Variants in RGMB observed in about 807,000 individuals in gnomAD.
RGMB encodes repulsive guidance molecule BMP co-receptor b, also known as repulsive guidance molecule B.
In RGMB, 16 loss-of-function variants were observed where a neutral mutation model predicts 26.9. The ratio of observed to expected loss-of-function variants is 0.60; its 90% CI spans 0.40 to 0.90. RGMB has a LOEUF of 0.90. RGMB is among the 40% of genes least tolerant of loss of function. The pLI is 0.00. For missense variants in RGMB, 512 were observed against 573.3 expected (o/e 0.89, Z 1.09); for synonymous variants, 225 against 229.3 (o/e 0.98, Z 0.17).
At position 98,780,755 on chromosome 5, in the gene RGMB, C is replaced by T. The variant is rs529347007; in HGVS notation, c.645+667C>T. ...AATTTAGCTTACCATGACTAGCTGC[C>T]AGTTTATGTGGTCTGTGTTCGTTTG... On this transcript the variant is annotated intron_variant, in intron 2 of 2. Transcript: ENST00000513185. The T allele has an allele frequency of 2.6e-5, 4 of 152,310 alleles. No homozygotes were observed. The East Asian group carries it at 7.7e-4, about 29-fold the overall frequency. The allele number at this position is 152,310 out of a possible 1,614,324, so 9.4% of individuals were successfully genotyped here.
chr5:98,779,486 A>G, intron 1 of RGMB, 94 bp from the exon 2 acceptor site: 1 of 1,285,702 alleles, frequency 7.8e-7, no homozygotes, highest in Non-Finnish European at 1.1e-6. Flanking sequence ...ATAAAATAGA[A>G]CAAACAATTC....
upstream of RGMB, among the ~76,000 whole-genome samples, chr5:98,772,160 C>A (rs972828484): frequency 2.0e-5 from 3 of 152,154 alleles, no homozygotes; most frequent in Non-Finnish European, 2.9e-5. Flanking sequence ...AACTGTGAAG[C>A]TATTATTAAG....
At chr5:98,776,837 A>G (rs1048868590) in intron 1 of RGMB, among the ~76,000 whole-genome samples, 2 of 152,242 alleles carry the variant, frequency 1.3e-5, no homozygotes, top group Non-Finnish European at 2.9e-5. Flanking sequence ...CTGTAATCCC[A>G]GCACTTTGGG....
chr5:98,775,737 C>T (rs981712611), intron 1 of RGMB, among the ~76,000 whole-genome samples: 1 of 152,152 alleles, frequency 6.6e-6, no homozygotes, highest in Admixed American at 6.5e-5. Flanking sequence ...AGGGTGTCTT[C>T]GTTCAAGAAT....
At chr5:98,790,941 A>G (rs1018831440) in intron 2 of RGMB, among the ~76,000 whole-genome samples, 5 of 152,212 alleles carry the variant, frequency 3.3e-5, no homozygotes, top group African/African-American at 1.2e-4. Flanking sequence ...TTTCAGGTGC[A>G]AAATTTTCTT....
At chr5:98,786,874 T>A (rs1158371512) in intron 2 of RGMB, among the ~76,000 whole-genome samples, 3 of 152,212 alleles carry the variant, frequency 2.0e-5, no homozygotes, top group East Asian at 3.9e-4. Context: ...AGGAGTTTTT[T>A]ATGCCCCAGT....
chr5:98,787,661 C>T (rs1268685902), intron 2 of RGMB, among the ~76,000 whole-genome samples: 1 of 152,166 alleles, frequency 6.6e-6, no homozygotes, highest in East Asian at 1.9e-4. Context: ...GGAGAGGTTC[C>T]ATTTGGAGAT....
chr5:98,780,318 T>C (rs1243088594), intron 2 of RGMB: 1 of 465,232 alleles, frequency 2.1e-6, no homozygotes, highest in Non-Finnish European at 3.7e-6. Context: ...GAATAAAAAG[T>C]AAACAGTGAA....
Position 98,774,103 on chromosome 5 carries a change from C to CGCT in RGMB, c.36_38dup (p.Ala15dup). On this transcript the variant is annotated inframe_insertion, in exon 1 of 3. Transcript: ENST00000513185. ...TGAGAGCAGCACCTTCCAGCGCCGCCGCTGCCGCCGCCGAGGTTGAGCAGC... is the reference window on the plus strand; with the variant it reads ...TGAGAGCAGCACCTTCCAGCGCCGCCGCTGCTGCCGCCGCCGAGGTTGAGCAGC... The CGCT allele has an allele frequency of 7.7e-7, 1 of 1,293,118 alleles. No individual in the cohort carries two copies. 80.1% of individuals were successfully genotyped at this position (1,293,118 alleles called of 1,614,324 possible).
intron 2 of RGMB, among the ~76,000 whole-genome samples, chr5:98,785,577 A>G (rs930066003): frequency 6.6e-6 from 1 of 152,066 alleles, no homozygotes; most frequent in African/African-American, 2.4e-5. Flanking sequence ...TCTGCATACA[A>G]CCTAGCAGGG....
intron 2 of RGMB, among the ~76,000 whole-genome samples, chr5:98,789,870 T>C (rs868322505): frequency 1.3e-5 from 2 of 152,242 alleles, no homozygotes; most frequent in Non-Finnish European, 2.9e-5. Context: ...GCTAACGTTT[T>C]TAAATTATCT....
upstream of RGMB, chr5:98,771,002 G>C (rs1168022844): frequency 1.0e-5 from 3 of 290,858 alleles, no homozygotes; most frequent in Non-Finnish European, 1.9e-5. Context: ...TCTGGAAATG[G>C]AGACATATTA....
chr5:98,770,539 C>G (rs1746121344), upstream of RGMB: 4 of 849,828 alleles, frequency 4.7e-6, no homozygotes, highest in East Asian at 3.3e-5. Flanking sequence ...GCCCCGGGCT[C>G]TCTCCCTCCG....
chr5:98,787,956 G>A (rs1346332745), intron 2 of RGMB, among the ~76,000 whole-genome samples: 1 of 152,156 alleles, frequency 6.6e-6, no homozygotes, highest in Admixed American at 6.5e-5. Context: ...CCTCTGGTTT[G>A]GTTTCTTCAT....
At chr5:98,784,423 C>T (rs1467745305) in intron 2 of RGMB, among the ~76,000 whole-genome samples, 2 of 152,216 alleles carry the variant, frequency 1.3e-5, no homozygotes, top group African/African-American at 4.8e-5. Context: ...TTAATGTCTT[C>T]TTCAAACTCT....
chr5:98,787,188 C>G (rs944361848), intron 2 of RGMB, among the ~76,000 whole-genome samples: 1 of 152,222 alleles, frequency 6.6e-6, no homozygotes, highest in East Asian at 1.9e-4. Context: ...TGCATGGTAA[C>G]CATTCTAACC....
At position 98,794,828 on chromosome 5, in the gene RGMB, C is replaced by T. The variant is rs780084696; in HGVS notation, c.*1075C>T. ...CCCATCACAAAGTTTTTCATTCTTCCTTGTCCACCATGATCTTCATCACAG... is the reference window on the plus strand; with the variant it reads ...CCCATCACAAAGTTTTTCATTCTTCTTTGTCCACCATGATCTTCATCACAG... On this transcript the variant is annotated 3_prime_UTR_variant, in exon 3 of 3. Coordinates refer to ENST00000513185, the MANE Select transcript of RGMB (RefSeq NM_001366508.1). 2.6e-5 allele frequency: 4 copies of T among 152,190 alleles called. No homozygotes were observed. The highest frequency in any genetic ancestry group is 2.9e-5 in the Non-Finnish European group (2 of 68,070). 9.4% of individuals were successfully genotyped at this position (152,190 alleles called of 1,614,324 possible). A position where few individuals can be genotyped will look rare whatever the true frequency, so the allele number is the denominator to read the frequency against.
chr5:98,793,196 A>C lies in RGMB; in HGVS notation c.757A>C (p.Ser253Arg). ...GGATGGCACCACCAGTGGTGGGGAC[A>C]GCGATGCCAAGAGCCTGCGTATCGT... is the stretch of plus-strand genomic sequence containing the variant. Reference protein sequence around the residue: ...FVDGTTSGGDSDAKSLRIVER... With the variant: ...FVDGTTSGGDRDAKSLRIVER... The change falls in exon 3 of 3, where the codon AGC becomes CGC. Residue 253 changes from serine (S) to arginine (R), a missense_variant. Ser to Arg is a moderately radical substitution (Grantham distance 110). Transcript: ENST00000513185. The C allele has an allele frequency of 6.2e-7, 1 of 1,614,048 alleles. No individual in the cohort carries two copies. The highest frequency in any genetic ancestry group is 8.5e-7 in the Non-Finnish European group (1 of 1,179,890).
intron 1 of RGMB, among the ~76,000 whole-genome samples, chr5:98,778,043 A>C (rs1326534879): frequency 6.6e-6 from 1 of 152,174 alleles, no homozygotes; most frequent in African/African-American, 2.4e-5. Context: ...AGAAGAACCC[A>C]AGAAGATTTG....
Sources: gnomAD v4.1 joint callset for allele counts (sites outside exome capture counted in the v4.1 genomes callset) on GRCh38, gnomAD v4.1.1 for gene constraint, MANE v1.5 for transcripts, NCBI Gene and HGNC (gene_info 2026-07-23, HGNC 2026-07-21) for gene names.